The following WFDC1 variants were observed in gnomAD, a reference collection of about 807,000 sequenced individuals.
WFDC1 encodes the protein WAP four-disulfide core domain 1.
Under a neutral mutation model 32.9 loss-of-function variants are expected in WFDC1, and 39 were observed. The ratio of observed to expected loss-of-function variants is 1.19; its 90% CI spans 0.92 to 1.55. The LOEUF (loss-of-function observed/expected upper bound fraction) is 1.55. Ranked by LOEUF, WFDC1 falls within the 40% of genes most tolerant of loss-of-function variation. The probability of loss-of-function intolerance (pLI) is 0.00; values close to 1 mark genes in which losing one functional copy is unlikely to be tolerated. For missense variants in WFDC1, 386 were observed against 309.5 expected (o/e 1.25, Z -1.85); for synonymous variants, 184 against 137.4 (o/e 1.34, Z -2.37).
chr16:84,317,541 C>T (rs1361211636), intron 2 of WFDC1: 2 of 151,976 alleles, frequency 1.3e-5, no homozygotes, highest in Non-Finnish European at 2.9e-5. Context: ...CTTTTGAAGG[C>T]CTTCCCATAA....
chr16:84,326,640 G>C (rs1908617930), intron 5 of WFDC1: 1 of 504,938 alleles, frequency 2.0e-6, no homozygotes, highest in East Asian at 3.2e-5. Flanking sequence ...AAGCTGGAGT[G>C]TGTGGTGAGC....
intron 5 of WFDC1, chr16:84,326,276 T>A (rs244784): frequency 6.6e-6 from 1 of 152,376 alleles, no homozygotes. Flanking sequence ...CCCATCCATC[T>A]GATATGTCTT....
intron 5 of WFDC1, chr16:84,325,743 C>T (rs1368577294): frequency 1.3e-5 from 2 of 151,848 alleles, no homozygotes; most frequent in Non-Finnish European, 2.9e-5. Flanking sequence ...TCTATATATT[C>T]ATCTATCTTT....
At chr16:84,314,560 G>A (rs1315107435) in intron 2 of WFDC1, among the ~76,000 whole-genome samples, 1 of 152,098 alleles carries the variant, frequency 6.6e-6, no homozygotes, top group Non-Finnish European at 1.5e-5. Context: ...ACCTCACTTT[G>A]TTTTCTTTGG....
chr16:84,298,266 C>T (rs1906728805), intron 1 of WFDC1, among the ~76,000 whole-genome samples: 1 of 151,966 alleles, frequency 6.6e-6, no homozygotes, highest in African/African-American at 2.4e-5. Context: ...TACCACCACG[C>T]CTGGCTAATT....
intron 6 of WFDC1, chr16:84,328,523 C>G (rs1464900814): frequency 6.6e-6 from 1 of 152,224 alleles, no homozygotes; most frequent in Non-Finnish European, 1.5e-5. Context: ...CGTCTGTTAC[C>G]TGCTGATGAC....
chr16:84,306,562 A>G (rs940788124), intron 1 of WFDC1, among the ~76,000 whole-genome samples: 2 of 152,206 alleles, frequency 1.3e-5, no homozygotes, highest in African/African-American at 4.8e-5. Flanking sequence ...TCACATCCGC[A>G]TTAAGTGAGC....
chr16:84,296,109 C>T (rs192941432), intron 1 of WFDC1, among the ~76,000 whole-genome samples: 6 of 152,248 alleles, frequency 3.9e-5, no homozygotes, highest in East Asian at 1.9e-4. Context: ...ATCACAGATC[C>T]GCAGGGACGG....
intron 1 of WFDC1, 37 bp from the exon 2 acceptor site, chr16:84,312,924 G>A (rs903136586): frequency 8.8e-7 from 1 of 1,140,778 alleles, no homozygotes; most frequent in Non-Finnish European, 1.1e-6. Flanking sequence ...ACTCGAACGC[G>A]CGCCCCAGAG....
intron 2 of WFDC1, among the ~76,000 whole-genome samples, chr16:84,313,749 C>T (rs1055179489): frequency 1.4e-4 from 22 of 152,190 alleles, no homozygotes; most frequent in African/African-American, 5.1e-4. Context: ...CAGAGAGGAG[C>T]GGGTGCGTGG....
intron 1 of WFDC1, among the ~76,000 whole-genome samples, chr16:84,301,813 C>T (rs1004251117): frequency 2.6e-5 from 4 of 152,184 alleles, no homozygotes; most frequent in African/African-American, 4.8e-5. Flanking sequence ...ACTTTCTCCT[C>T]GCTGGGACTG....
At chr16:84,308,295 G>A (rs1175839806) in intron 1 of WFDC1, among the ~76,000 whole-genome samples, 1 of 152,114 alleles carries the variant, frequency 6.6e-6, no homozygotes, top group Non-Finnish European at 1.5e-5. Flanking sequence ...GCCCGGACCT[G>A]TTCCCAGGGA....
intron 2 of WFDC1, among the ~76,000 whole-genome samples, chr16:84,314,864 T>C (rs141458033): frequency 6.6e-6 from 1 of 152,360 alleles, no homozygotes; most frequent in East Asian, 1.9e-4. Context: ...GCCTCCTGCC[T>C]ATAGCAGGTG....
At position 84,318,300 on chromosome 16, in the gene WFDC1, T is replaced by C; in HGVS notation, c.366T>C (p.Pro122=). Residue 122 remains proline (P), a synonymous_variant, in exon 3 of 7, where the codon CCT becomes CCC. Transcript: ENST00000219454. ...TAGACTGGCTGGTGCAGCCGAAACCTCGATGGCTTGGTGGCAATGGCTGGC... is the reference window on the plus strand; with the variant it reads ...TAGACTGGCTGGTGCAGCCGAAACCCCGATGGCTTGGTGGCAATGGCTGGC... ...PVLDWLVQPK[P]RWLGGNGWLL... 1 of 1,614,132 alleles carries C rather than the reference T, an allele frequency of 6.2e-7. No homozygotes were observed. Among genetic ancestry groups the C allele is most frequent in the Non-Finnish European group, 8.5e-7 (1 of 1,180,010 alleles).
chr16:84,294,892 C>T lies in WFDC1; in HGVS notation c.-80C>T. 2 of 1,557,160 alleles carry T rather than the reference C, an allele frequency of 1.3e-6. No homozygotes were observed. The highest frequency in any genetic ancestry group is 1.7e-6 in the Non-Finnish European group (2 of 1,152,720). ...GAAAGTCCAGCAGACTGTGCACGCT[C>T]CTGTCCCCACTCACAGGCCCACGCA... On this transcript the variant is annotated 5_prime_UTR_variant, in exon 1 of 7. Transcript: ENST00000219454.
chr16:84,302,996 T>A (rs911593975), intron 1 of WFDC1, among the ~76,000 whole-genome samples: 5 of 151,484 alleles, frequency 3.3e-5, no homozygotes, highest in Admixed American at 1.3e-4. Flanking sequence ...TGGTCGACTT[T>A]GCCGTCTCGT....
chr16:84,304,929 G>A (rs1364334322), intron 1 of WFDC1, among the ~76,000 whole-genome samples: 1 of 152,212 alleles, frequency 6.6e-6, no homozygotes, highest in East Asian at 1.9e-4. Flanking sequence ...GAAAGAATGG[G>A]AAGAAATTGA....
At chr16:84,314,173 C>T (rs143979849) in intron 2 of WFDC1, among the ~76,000 whole-genome samples, 162 of 152,322 alleles carry the variant, frequency 1.1e-3, no homozygotes, top group African/African-American at 3.8e-3. Context: ...CGATGCCAAC[C>T]TCTCGGGGAG....
At chr16:84,311,121 A>G (rs1275989568) in intron 1 of WFDC1, among the ~76,000 whole-genome samples, 1 of 152,100 alleles carries the variant, frequency 6.6e-6, no homozygotes, top group Admixed American at 6.5e-5. Flanking sequence ...CTGGGCCTGG[A>G]TGGAGTCTGG....
Sources: allele counts gnomAD v4.1 joint callset (sites outside exome capture counted in the v4.1 genomes callset), GRCh38; gene constraint gnomAD v4.1.1; transcripts MANE v1.5; gene names NCBI Gene and HGNC (gene_info 2026-07-23, HGNC 2026-07-21).